Variants in ZMYND11 observed in about 807,000 individuals in gnomAD.
The protein encoded by ZMYND11 is zinc finger MYND domain-containing protein 11.
In ZMYND11, 9 loss-of-function variants were observed where a neutral mutation model predicts 84.9. The ratio of observed to expected loss-of-function variants is 0.11; its 90% confidence interval spans 0.06 to 0.18. The LOEUF (loss-of-function observed/expected upper bound fraction) is 0.18, where lower values mean the gene tolerates loss of function less well. ZMYND11 is among the 10% of genes least tolerant of loss of function. The probability of loss-of-function intolerance (pLI) is 1.00; values close to 1 mark genes in which losing one functional copy is unlikely to be tolerated. For synonymous variants in ZMYND11, 250 were observed against 244.1 expected (o/e 1.02, Z -0.23); for missense variants, 409 against 761.0 (o/e 0.54, Z 5.44).
chr10:167,775 A>G (rs1317414655), intron 1 of ZMYND11, among the ~76,000 whole-genome samples: 1 of 152,052 alleles, frequency 6.6e-6, no homozygotes, highest in Non-Finnish European at 1.5e-5. Context: ...ATTATTATAG[A>G]CTAGATTAAT....
At chr10:200,543 C>T (rs186001743) in intron 2 of ZMYND11, among the ~76,000 whole-genome samples, 1 of 151,720 alleles carries the variant, frequency 6.6e-6, no homozygotes, top group Admixed American at 6.6e-5. Flanking sequence ...TCCCAAAGTG[C>T]TGAGATTACA....
At chr10:175,904 C>G (rs1420214355) in intron 1 of ZMYND11, among the ~76,000 whole-genome samples, 1 of 152,162 alleles carries the variant, frequency 6.6e-6, no homozygotes, top group East Asian at 1.9e-4. Flanking sequence ...GAACCTACCA[C>G]CAGAAGTAAA....
chr10:164,154 A>T (rs1427055459), intron 1 of ZMYND11, among the ~76,000 whole-genome samples: 1 of 152,078 alleles, frequency 6.6e-6, no homozygotes, highest in Non-Finnish European at 1.5e-5. Context: ...GTAGCTTTAG[A>T]TTCTGTATGA....
intron 4 of ZMYND11, among the ~76,000 whole-genome samples, chr10:234,648 T>C (rs1035117578): frequency 6.6e-5 from 10 of 152,330 alleles, no homozygotes; most frequent in Admixed American, 5.2e-4. Context: ...ACCCAGAGTT[T>C]GAGTTGGCAT....
intron 1 of ZMYND11, among the ~76,000 whole-genome samples, chr10:138,083 A>G (rs1358502778): frequency 6.6e-6 from 1 of 150,602 alleles, no homozygotes; most frequent in Admixed American, 6.6e-5. Context: ...TAGTTCTTTC[A>G]TTCATACTGA....
chr10:213,522 A>G (rs971960507), intron 3 of ZMYND11, among the ~76,000 whole-genome samples: 1 of 152,214 alleles, frequency 6.6e-6, no homozygotes, highest in African/African-American at 2.4e-5. Context: ...TTGGTTATCT[A>G]TTTTTAAACG....
chr10:160,456 T>A lies in ZMYND11; in HGVS notation c.-19-19538T>A, dbSNP rs545329771. On this transcript the variant is annotated intron_variant, in intron 1 of 14. Transcript: ENST00000381604. ...GGGTGGTGGCTGCTGGAGGTTGGGATGTCTGTGGCAGTTCCTTAAAATAAG... is the reference window on the plus strand; with the variant it reads ...GGGTGGTGGCTGCTGGAGGTTGGGAAGTCTGTGGCAGTTCCTTAAAATAAG... 1.5e-4 allele frequency among the ~76,000 whole-genome samples: 23 copies of A among 152,272 alleles called. No homozygotes were observed. The South Asian group carries it at 3.9e-3, about 26-fold the overall frequency.
upstream of ZMYND11, among the ~76,000 whole-genome samples, chr10:134,196 T>C (rs782263429): frequency 6.6e-6 from 1 of 152,152 alleles, no homozygotes; most frequent in African/African-American, 2.4e-5. Context: ...ACAACACTAA[T>C]AATAAACCAG....
At chr10:165,739 T>G (rs1341388113) in intron 1 of ZMYND11, among the ~76,000 whole-genome samples, 2 of 152,082 alleles carry the variant, frequency 1.3e-5, no homozygotes, top group African/African-American at 4.8e-5. Flanking sequence ...AGAGTTAACT[T>G]AAAAAACCCA....
chr10:157,426 C>T (rs11250528), intron 1 of ZMYND11, among the ~76,000 whole-genome samples: 37,176 of 152,084 alleles, frequency 0.24, 5,647 homozygotes, highest in Non-Finnish European at 0.35. Context: ...TCTCAAACTC[C>T]TGACCTCAAG....
chr10:239,111 C>G (rs1376116981), intron 6 of ZMYND11, among the ~76,000 whole-genome samples: 1 of 152,152 alleles, frequency 6.6e-6, no homozygotes, highest in Non-Finnish European at 1.5e-5. Context: ...CACACTGGCC[C>G]AAGCATTCGT....
chr10:138,939 G>A (rs1836806709), intron 1 of ZMYND11, among the ~76,000 whole-genome samples: 1 of 152,106 alleles, frequency 6.6e-6, no homozygotes, highest in African/African-American at 2.4e-5. Context: ...TGCCTCCTGG[G>A]TTCAAGTGAT....
At chr10:149,105 A>G (rs1166272357) in intron 1 of ZMYND11, among the ~76,000 whole-genome samples, 1 of 152,048 alleles carries the variant, frequency 6.6e-6, no homozygotes, top group African/African-American at 2.4e-5. Flanking sequence ...TGTCTGACTC[A>G]TGGCAAGTAA....
chr10:146,346 T>C (rs1275804078), intron 1 of ZMYND11, among the ~76,000 whole-genome samples: 1 of 152,248 alleles, frequency 6.6e-6, no homozygotes, highest in African/African-American at 2.4e-5. Flanking sequence ...TTGCTTTGGC[T>C]ATTTGAGCCA....
chr10:251,504 C>T (rs1174060971), intron 14 of ZMYND11, among the ~76,000 whole-genome samples: 1 of 152,122 alleles, frequency 6.6e-6, no homozygotes, highest in Non-Finnish European at 1.5e-5. Flanking sequence ...TCTCAACAGC[C>T]GTCAGATCTG....
chr10:199,274 T>G, intron 2 of ZMYND11, among the ~76,000 whole-genome samples: 1 of 110,786 alleles, frequency 9.0e-6, no homozygotes, highest in Admixed American at 1.1e-4. Flanking sequence ...CCCATTCCCC[T>G]TCCCATCCCT....
intron 2 of ZMYND11, among the ~76,000 whole-genome samples, chr10:198,535 ACT>A (rs780059366): frequency 3.8e-4 from 58 of 152,170 alleles, no homozygotes; most frequent in South Asian, 6.2e-4. Context: ...GGAAATTAAG[ACT>A]CAACAGTTTT....
chr10:247,301 G>A (rs936589040), intron 11 of ZMYND11, 97 bp from the exon 12 acceptor site: 2 of 1,322,494 alleles, frequency 1.5e-6, no homozygotes, highest in African/African-American at 1.5e-5. Flanking sequence ...AGGTAGAAAT[G>A]TATTCACTTC....
At chr10:226,098 A>C (rs1456457819) in intron 4 of ZMYND11, among the ~76,000 whole-genome samples, 1 of 152,170 alleles carries the variant, frequency 6.6e-6, no homozygotes, top group African/African-American at 2.4e-5. Flanking sequence ...TACCACTCCA[A>C]GAAAGCATCT....
Sources: gnomAD v4.1 joint callset for allele counts (sites outside exome capture counted in the v4.1 genomes callset) on GRCh38, gnomAD v4.1.1 for gene constraint, MANE v1.5 for transcripts, NCBI Gene and HGNC (gene_info 2026-07-23, HGNC 2026-07-21) for gene names.